WDFY3: variants seen among roughly 807,000 people sequenced by gnomAD.
WDFY3 encodes the protein WD repeat and FYVE domain containing 3, also known as WD repeat and FYVE domain-containing protein 3.
WDFY3 carries 66 observed loss-of-function variants against 409.6 expected under a neutral mutation model. That is an observed-to-expected ratio of 0.16 (90% confidence interval 0.13 to 0.20). WDFY3 has a LOEUF of 0.20. Ranked by LOEUF, WDFY3 falls within the 10% of genes least tolerant of loss-of-function variation. The pLI, the probability that WDFY3 is intolerant of heterozygous loss-of-function variation, is 1.00. For synonymous variants in WDFY3, 1,521 were observed against 1,537.1 expected, an observed-to-expected ratio of 0.99 and a Z score of 0.25; for missense variants, 3,031 against 4,298.1, an observed-to-expected ratio of 0.71 and a Z score of 8.24.
rs1725452052 is a variant in WDFY3 at position 84,671,589 on chromosome 4, A to C, written c.*1279T>G. 1 of 151,940 alleles carries C rather than the reference A, an allele frequency of 6.6e-6. No homozygotes were observed. The highest frequency in any genetic ancestry group is 2.4e-5 in the African/African-American group (1 of 41,330). 9.4% of individuals were successfully genotyped at this position (151,940 alleles called of 1,614,324 possible). ...AATCTCTTAGCCCCTTCCAGCTTTA[A>C]TCCCCCTGGATTTGTGTGTTCTGTA... On this transcript the variant is annotated 3_prime_UTR_variant, in exon 68 of 68. Coordinates refer to ENST00000295888, the MANE Select transcript of WDFY3 (RefSeq NM_014991.6).
Position 84,816,906 on chromosome 4 carries a change from G to T in WDFY3, c.1887+486C>A, listed in dbSNP as rs1171522516. 3.3e-5 allele frequency among the ~76,000 whole-genome samples: 5 copies of T among 152,184 alleles called. No individual in the cohort carries two copies. The East Asian group carries it at 7.7e-4, about 24-fold the overall frequency. On this transcript the variant is annotated intron_variant, in intron 13 of 67. Coordinates refer to ENST00000295888, the MANE Select transcript of WDFY3 (RefSeq NM_014991.6). ...CCTAAGTTTTCTCATCTGCAAAACAGGGTGCTACTTAATTTATAGTATTAC... is the reference window on the plus strand; with the variant it reads ...CCTAAGTTTTCTCATCTGCAAAACATGGTGCTACTTAATTTATAGTATTAC...
At chr4:84,761,480 C>G (rs1167475833) in intron 32 of WDFY3, among the ~76,000 whole-genome samples, 4 of 152,108 alleles carry the variant, frequency 2.6e-5, no homozygotes, top group Non-Finnish European at 5.9e-5. Flanking sequence ...CTTTATGAAT[C>G]TGGGTGCTCC....
intron 1 of WDFY3, among the ~76,000 whole-genome samples, chr4:84,934,396 T>C (rs926969191): frequency 1.3e-5 from 2 of 152,204 alleles, no homozygotes; most frequent in African/African-American, 4.8e-5. Flanking sequence ...TTTAAAAGTC[T>C]ACCTCTTGGG....
chr4:84,804,897 C>A (rs1463453159), intron 15 of WDFY3, among the ~76,000 whole-genome samples: 1 of 152,116 alleles, frequency 6.6e-6, no homozygotes, highest in African/African-American at 2.4e-5. Flanking sequence ...CTGATACACT[C>A]AGGAAGAAAT....
intron 3 of WDFY3, among the ~76,000 whole-genome samples, chr4:84,880,221 T>A (rs1276881293): frequency 1.3e-5 from 2 of 152,006 alleles, no homozygotes; most frequent in Non-Finnish European, 2.9e-5. Flanking sequence ...GAACAGATTC[T>A]CCCCTAGAGC....
At chr4:84,784,998 G>A (rs1184131097) in intron 24 of WDFY3, among the ~76,000 whole-genome samples, 2 of 149,586 alleles carry the variant, frequency 1.3e-5, no homozygotes, top group Non-Finnish European at 1.5e-5. Context: ...TCTCTCATAG[G>A]AATTATTTAT....
At chr4:84,914,281 C>T (rs372193047) in intron 2 of WDFY3, among the ~76,000 whole-genome samples, 70 of 151,988 alleles carry the variant, frequency 4.6e-4, no homozygotes, top group African/African-American at 1.4e-3. Flanking sequence ...ATTAGCTGGG[C>T]GTGGTGGCAG....
At chr4:84,881,684 C>G (rs1208379964) in intron 3 of WDFY3, among the ~76,000 whole-genome samples, 1 of 151,686 alleles carries the variant, frequency 6.6e-6, no homozygotes, top group Admixed American at 6.6e-5. Flanking sequence ...CTCAGGAGTT[C>G]GAGACCAGCC....
At chr4:84,919,490 T>C (rs1045436931) in intron 2 of WDFY3, among the ~76,000 whole-genome samples, 26 of 152,140 alleles carry the variant, frequency 1.7e-4, no homozygotes, top group Middle Eastern at 3.2e-3. Flanking sequence ...TGTAGTAATA[T>C]GGTTTGGCTG....
chr4:84,873,858 G>T (rs1036537866), intron 3 of WDFY3, among the ~76,000 whole-genome samples: 3 of 151,706 alleles, frequency 2.0e-5, no homozygotes, highest in African/African-American at 7.3e-5. Context: ...TCAGGGCTCA[G>T]TGTAGCCTCA....
chr4:84,935,362 C>T (rs1313304055), intron 1 of WDFY3, among the ~76,000 whole-genome samples: 1 of 152,172 alleles, frequency 6.6e-6, no homozygotes, highest in Non-Finnish European at 1.5e-5. Context: ...ACCACATCTA[C>T]AGCCTCTCCA....
intron 5 of WDFY3, chr4:84,849,699 G>C: frequency 1.8e-6 from 1 of 550,270 alleles, no homozygotes; most frequent in Non-Finnish European, 3.0e-6. Flanking sequence ...GGTCCAGGCA[G>C]AGTAGCCTTG....
At chr4:84,715,816 ACTTTTAGAGTCATG>A (rs1733797962) in intron 49 of WDFY3, among the ~76,000 whole-genome samples, 1 of 150,762 alleles carries the variant, frequency 6.6e-6, no homozygotes, top group South Asian at 2.1e-4. Context: ...ATTTGCTAAC[ACTTTTAGAGTCATG>A]AATTCCCTGC....
At chr4:84,775,183 G>T in intron 27 of WDFY3, 45 bp from the exon 28 acceptor site, 1 of 1,542,112 alleles carries the variant, frequency 6.5e-7, no homozygotes, top group Admixed American at 1.8e-5. Context: ...TAAAAAAAAT[G>T]CCCAAATGCC....
chr4:84,786,276 A>G (rs375731961), intron 23 of WDFY3, 137 bp from the exon 24 acceptor site: 61 of 791,402 alleles, frequency 7.7e-5, no homozygotes, highest in Non-Finnish European at 1.1e-4. Context: ...TTTAAAAACT[A>G]TCTTCTCAGC....
At chr4:84,784,851 T>A (rs2149506041) in intron 24 of WDFY3, among the ~76,000 whole-genome samples, 1 of 66,724 alleles carries the variant, frequency 1.5e-5, no homozygotes. Context: ...AAAAAAAAAG[T>A]GTATATGTAT....
chr4:84,874,246 C>T, intron 3 of WDFY3, among the ~76,000 whole-genome samples: 1 of 151,838 alleles, frequency 6.6e-6, no homozygotes, highest in African/African-American at 2.4e-5. Flanking sequence ...AACCCTGTCT[C>T]TACTAAAAAT....
chr4:84,957,964 A>G (rs1452879451), intron 1 of WDFY3, among the ~76,000 whole-genome samples: 1 of 152,230 alleles, frequency 6.6e-6, no homozygotes. Flanking sequence ...TTCTGCAATG[A>G]ACTTTATTTA....
chr4:84,870,130 G>C (rs1405752509), intron 3 of WDFY3, among the ~76,000 whole-genome samples: 1 of 152,074 alleles, frequency 6.6e-6, no homozygotes, highest in Non-Finnish European at 1.5e-5. Flanking sequence ...CAGATCAATA[G>C]GTAATTCACG....
Sources: gnomAD v4.1 joint callset for allele counts (sites outside exome capture counted in the v4.1 genomes callset) on GRCh38, gnomAD v4.1.1 for gene constraint, MANE v1.5 for transcripts, NCBI Gene and HGNC (gene_info 2026-07-23, HGNC 2026-07-21) for gene names.